Variants in NCDN observed in about 807,000 individuals in gnomAD.
The protein encoded by NCDN is norbin.
Under a neutral mutation model 60.7 loss-of-function variants are expected in NCDN, and 9 were observed. The observed-to-expected ratio is 0.15, with a 90% confidence interval of 0.09 to 0.26. NCDN has a LOEUF of 0.26. Ranked by LOEUF, NCDN falls within the 10% of genes least tolerant of loss-of-function variation. NCDN has a pLI of 1.00. For missense variants in NCDN, 578 were observed against 975.2 expected (o/e 0.59, Z 5.42); for synonymous variants, 409 against 442.5 (o/e 0.92, Z 0.95).
In NCDN at chr1:35,563,615, C is replaced by CT; in HGVS notation, c.1611-151dup. The CT allele has an allele frequency of 9.3e-7, 1 of 1,069,566 alleles. No homozygotes were observed. The highest frequency in any genetic ancestry group is 1.4e-6 in the Non-Finnish European group (1 of 733,434). 66.3% of individuals were successfully genotyped at this position (1,069,566 alleles called of 1,614,324 possible). On this transcript the variant is annotated intron_variant, in intron 5 of 6. Coordinates refer to ENST00000373243, the MANE Select transcript of NCDN (RefSeq NM_014284.3). The surrounding 1 kb of genome is among the most constrained non-coding windows in gnomAD (Gnocchi z 6.6). ...GCATGCTGGAACCCCCAGGTACTGTCTCAGCATGTCTGCTTGTTCCAATCT... is the reference window on the plus strand; with the variant it reads ...GCATGCTGGAACCCCCAGGTACTGTCTTCAGCATGTCTGCTTGTTCCAATCT...
Position 35,561,593 on chromosome 1 carries a change from C to T in NCDN, c.1143+299C>T, listed in dbSNP as rs564434525. On this transcript the variant is annotated intron_variant, in intron 3 of 6. Transcript: ENST00000373243. The surrounding 1 kb of genome is among the most constrained non-coding windows in gnomAD (Gnocchi z 4.9). ...CTCCCCCCAATACACACACACTACACGCCACACACCTCTCCCCAACACATG... is the reference window on the plus strand; with the variant it reads ...CTCCCCCCAATACACACACACTACATGCCACACACCTCTCCCCAACACATG... Among the ~76,000 whole-genome samples the T allele has an allele frequency of 7.9e-5, 12 of 152,244 alleles. No individual in the cohort carries two copies. Among genetic ancestry groups the T allele is most frequent in the South Asian group, 6.2e-4 (3 of 4,822 alleles).
chr1:35,560,431 G>A lies in NCDN; in HGVS notation c.280G>A (p.Ala94Thr). ...FPNRLLTTKE[A>T]PDGCPDHVLR... is the part of the protein sequence containing the mutation. ...CAATCGTCTCCTGACCACCAAGGAG[G>A]CGCCGGATGGCTGCCCTGACCATGT... The change falls in exon 3 of 7, where the codon GCG becomes ACG. Residue 94 changes from alanine to threonine, a missense_variant. Ala to Thr is a moderately conservative substitution (Grantham distance 58, BLOSUM62 0). Coordinates refer to ENST00000373243, the MANE Select transcript of NCDN (RefSeq NM_014284.3). This position sits in a 1 kb window ranked among gnomAD's most constrained non-coding sequence, Gnocchi z 7.6. 6.2e-7 allele frequency: 1 copy of A among 1,613,982 alleles called. No individual in the cohort carries two copies. The highest frequency in any genetic ancestry group is 8.5e-7 in the Non-Finnish European group (1 of 1,180,038).
Position 35,559,100 on chromosome 1 carries a change from T to G in NCDN, c.34-7T>G. ...AGAGGGATGCTCAGTCCCTCTTGTG[T>G]TCACAGTTGGGCAAGGCGAGCATCA... On this transcript the variant is annotated splice_region_variant and splice_polypyrimidine_tract_variant and intron_variant, in intron 1 of 6. Transcript: ENST00000373243. The G allele has an allele frequency of 1.3e-6, 2 of 1,536,700 alleles. No individual in the cohort carries two copies. Among genetic ancestry groups the G allele is most frequent in the African/African-American group, 2.8e-5 (2 of 71,578 alleles).
chr1:35,558,308 G>A lies in NCDN; in HGVS notation c.33+85G>A, dbSNP rs142295168. ...CGATTATCCGGCTTTTGGATTCTCC[G>A]TTGTCCTGGGAACTATCCGGGACCC... On this transcript the variant is annotated intron_variant, in intron 1 of 6. Transcript: ENST00000373243. The surrounding 1 kb of genome is among the most constrained non-coding windows in gnomAD (Gnocchi z 6.3). 3.6e-4 allele frequency: 575 copies of A among 1,598,414 alleles called. No homozygotes were observed. Among genetic ancestry groups the A allele is most frequent in the Non-Finnish European group, 4.6e-4 (544 of 1,170,236 alleles).
In NCDN at chr1:35,565,751, C is replaced by A. The variant is rs904195693; in HGVS notation, c.*88C>A. ...CCCTGAAGCCCCCAATCTGGCCCCC[C>A]CCTCCCCAGACTTCCTCCCCAAAAC... is the stretch of plus-strand genomic sequence containing the variant. On this transcript the variant is annotated 3_prime_UTR_variant, in exon 7 of 7. Coordinates refer to ENST00000373243, the MANE Select transcript of NCDN (RefSeq NM_014284.3). This position sits in a 1 kb window ranked among gnomAD's most constrained non-coding sequence, Gnocchi z 8.9. 3 of 1,363,952 alleles carry A rather than the reference C, an allele frequency of 2.2e-6. No individual in the cohort carries two copies. The highest frequency in any genetic ancestry group is 1.5e-5 in the South Asian group (1 of 67,782). 84.5% of individuals were successfully genotyped at this position (1,363,952 alleles called of 1,614,324 possible).
In NCDN at chr1:35,560,048, A is replaced by T. The variant is rs189611128; in HGVS notation, c.175-278A>T. 6.6e-6 allele frequency among the ~76,000 whole-genome samples: 1 copy of T among 152,174 alleles called. No individual in the cohort carries two copies. The highest frequency in any genetic ancestry group is 1.5e-5 in the Non-Finnish European group (1 of 68,044). On this transcript the variant is annotated intron_variant, in intron 2 of 6. Coordinates refer to ENST00000373243, the MANE Select transcript of NCDN (RefSeq NM_014284.3). This position sits in a 1 kb window ranked among gnomAD's most constrained non-coding sequence, Gnocchi z 7.6. ...CATCCCAGGTTGTGGGCATTTAGACATCAGGAAGAACTTCTCAACTGGCCA... is the reference window on the plus strand; with the variant it reads ...CATCCCAGGTTGTGGGCATTTAGACTTCAGGAAGAACTTCTCAACTGGCCA...
At chr1:35,564,644 T>C (rs1648812807) in intron 6 of NCDN, among the ~76,000 whole-genome samples, 1 of 152,214 alleles carries the variant, frequency 6.6e-6, no homozygotes, top group Non-Finnish European at 1.5e-5. Context: ...CTCTGCACTC[T>C]CAGTCCCAGG....
At position 35,558,665 on chromosome 1, in the gene NCDN, G is replaced by A. The variant is rs1648525109; in HGVS notation, c.33+442G>A. On this transcript the variant is annotated intron_variant, in intron 1 of 6. Transcript: ENST00000373243. The surrounding 1 kb of genome is among the most constrained non-coding windows in gnomAD (Gnocchi z 6.3). ...TTTTCTCCCATGTCAGCCTGAGTCC[G>A]GATAATCGAACTTCACCCATGTATG... 4 of 1,134,584 alleles carry A rather than the reference G, an allele frequency of 3.5e-6. No individual in the cohort carries two copies. Among genetic ancestry groups the A allele is most frequent in the South Asian group, 2.8e-5 (1 of 35,640 alleles). 70.3% of individuals were successfully genotyped at this position (1,134,584 alleles called of 1,614,324 possible).
rs142407954 is a variant in NCDN, at chr1:35,561,531, GCA to G, written c.1143+248_1143+249del. On this transcript the variant is annotated intron_variant, in intron 3 of 6. Transcript: ENST00000373243. This position sits in a 1 kb window ranked among gnomAD's most constrained non-coding sequence, Gnocchi z 4.9. Reference sequence around the variant, plus strand: ...CACTCACATCACAGTACACACACACGCACACACACACAACACAGTAACCTCCC... The same window carrying G: ...CACTCACATCACAGTACACACACACGCACACACACAACACAGTAACCTCCC... Among the ~76,000 whole-genome samples the G allele has an allele frequency of 2.0e-5, 3 of 150,952 alleles. No homozygotes were observed. Among genetic ancestry groups the G allele is most frequent in the Non-Finnish European group, 3.0e-5 (2 of 67,652 alleles).
At position 35,565,838 on chromosome 1, in the gene NCDN, A is replaced by G; in HGVS notation, c.*175A>G. The G allele has an allele frequency of 1.4e-6, 1 of 705,050 alleles. No homozygotes were observed. The highest frequency in any genetic ancestry group is 3.0e-5 in the Admixed American group (1 of 32,920). 43.7% of individuals were successfully genotyped at this position (705,050 alleles called of 1,614,324 possible). ...GGTGCCCACCCCTCAAGTGTAAGGAACTGCGTTCCGCCCCTCAGGCCCCCA... is the reference window on the plus strand; with the variant it reads ...GGTGCCCACCCCTCAAGTGTAAGGAGCTGCGTTCCGCCCCTCAGGCCCCCA... On this transcript the variant is annotated 3_prime_UTR_variant, in exon 7 of 7. Transcript: ENST00000373243. This position sits in a 1 kb window ranked among gnomAD's most constrained non-coding sequence, Gnocchi z 8.9.
At position 35,559,994 on chromosome 1, in the gene NCDN, T is replaced by C. The variant is rs116378274; in HGVS notation, c.175-332T>C. ...GGAAGGACTTTAAATCCTTGGGAGA[T>C]CTTAAAACATTGAGTTCTAAGCCCC... On this transcript the variant is annotated intron_variant, in intron 2 of 6. Coordinates refer to ENST00000373243, the MANE Select transcript of NCDN (RefSeq NM_014284.3). Among the ~76,000 whole-genome samples, 394 of 152,226 alleles carry C rather than the reference T, an allele frequency of 2.6e-3. 3 individuals are homozygous for C. The highest frequency in any genetic ancestry group is 9.2e-3 in the African/African-American group (383 of 41,526).
rs1008594042 is a variant in NCDN, at chr1:35,558,960, G to A, written c.34-147G>A. Reference sequence around the variant, plus strand: ...CCCCTTAAAGGGGCTTCTGGGGGGAGGTCAGTCCTGAGGAGTCCACCCCTC... The same window carrying A: ...CCCCTTAAAGGGGCTTCTGGGGGGAAGTCAGTCCTGAGGAGTCCACCCCTC... On this transcript the variant is annotated intron_variant, in intron 1 of 6. Coordinates refer to ENST00000373243, the MANE Select transcript of NCDN (RefSeq NM_014284.3). The surrounding 1 kb of genome is among the most constrained non-coding windows in gnomAD (Gnocchi z 6.3). The A allele has an allele frequency of 1.4e-5, 12 of 874,924 alleles. No individual in the cohort carries two copies. Among genetic ancestry groups the A allele is most frequent in the African/African-American group, 1.4e-4 (8 of 59,098 alleles). 54.2% of individuals were successfully genotyped at this position (874,924 alleles called of 1,614,324 possible). A position where few individuals can be genotyped will look rare whatever the true frequency, so the allele number is the denominator to read the frequency against.
At position 35,558,780 on chromosome 1, in the gene NCDN, A is replaced by C; in HGVS notation, c.34-327A>C. 1 of 1,074,368 alleles carries C rather than the reference A, an allele frequency of 9.3e-7. No individual in the cohort carries two copies. Among genetic ancestry groups the C allele is most frequent in the Non-Finnish European group, 1.2e-6 (1 of 844,966 alleles). The allele number at this position is 1,074,368 out of a possible 1,614,324, so 66.6% of individuals were successfully genotyped here. On this transcript the variant is annotated intron_variant, in intron 1 of 6. Coordinates refer to ENST00000373243, the MANE Select transcript of NCDN (RefSeq NM_014284.3). This position sits in a 1 kb window ranked among gnomAD's most constrained non-coding sequence, Gnocchi z 6.3. ...ACCCAGCCTCCGGTGCCAGGGGGACAGCTGAGCAGTGGGGCCAGCTCCCGC... is the reference window on the plus strand; with the variant it reads ...ACCCAGCCTCCGGTGCCAGGGGGACCGCTGAGCAGTGGGGCCAGCTCCCGC...
chr1:35,563,749 C>G lies in NCDN; in HGVS notation c.1611-18C>G. On this transcript the variant is annotated intron_variant, in intron 5 of 6. Coordinates refer to ENST00000373243, the MANE Select transcript of NCDN (RefSeq NM_014284.3). This position sits in a 1 kb window ranked among gnomAD's most constrained non-coding sequence, Gnocchi z 6.6. ...TAGACCCCCACCTACCTCCATCCTTCCCCCCTTTCTTTTCCAGGCGTGACG... is the reference window on the plus strand; with the variant it reads ...TAGACCCCCACCTACCTCCATCCTTGCCCCCTTTCTTTTCCAGGCGTGACG... 1.2e-6 allele frequency: 2 copies of G among 1,612,774 alleles called. No homozygotes were observed. Among genetic ancestry groups the G allele is most frequent in the South Asian group, 2.2e-5 (2 of 90,908 alleles).
In NCDN at chr1:35,557,949, T is replaced by C. The variant is rs1648407202; in HGVS notation, c.-242T>C. On this transcript the variant is annotated 5_prime_UTR_variant, in exon 1 of 7. Coordinates refer to ENST00000373243, the MANE Select transcript of NCDN (RefSeq NM_014284.3). The stretch of plus-strand genomic sequence containing the variant: ...CGGGGCCTCTCCGAGCCGGCGCTGA[T>C]CGATGCCGACACACCCCGGGGACCC... The C allele has an allele frequency of 1.5e-6, 1 of 652,628 alleles. No homozygotes were observed. 40.4% of individuals were successfully genotyped at this position (652,628 alleles called of 1,614,324 possible).
intron 6 of NCDN, 106 bp downstream of exon 6, chr1:35,564,015 T>G (rs1648790387): frequency 1.5e-6 from 2 of 1,355,128 alleles, no homozygotes; most frequent in African/African-American, 1.5e-5. Flanking sequence ...TTTGCAGCAT[T>G]TTCTAAGCAA....
Position 35,563,791 on chromosome 1 carries a change from A to G in NCDN, c.1635A>G (p.Leu545=). The change falls in exon 6 of 7, where the codon CTA becomes CTG. Residue 545 remains leucine (L), a synonymous_variant. Coordinates refer to ENST00000373243, the MANE Select transcript of NCDN (RefSeq NM_014284.3). This position sits in a 1 kb window ranked among gnomAD's most constrained non-coding sequence, Gnocchi z 6.6. ...GGCGTGACGCCTGCTTCACATCTCT[A>G]ATGAACACCCTCATGACGTCGCTAC... ...LIKRDACFTS[L]MNTLMTSLPA... is the part of the protein sequence containing the mutation. 1 of 1,613,162 alleles carries G rather than the reference A, an allele frequency of 6.2e-7. No individual in the cohort carries two copies. The highest frequency in any genetic ancestry group is 1.3e-5 in the African/African-American group (1 of 74,622).
At chr1:35,564,281 C>T (rs1380411599) in intron 6 of NCDN, among the ~76,000 whole-genome samples, 1 of 152,188 alleles carries the variant, frequency 6.6e-6, no homozygotes, top group African/African-American at 2.4e-5. Flanking sequence ...TTTTTCTCTG[C>T]TCTGCTCGGT....
chr1:35,558,617 G>A lies in NCDN; in HGVS notation c.33+394G>A, dbSNP rs1422286044. 55 of 1,172,448 alleles carry A rather than the reference G, an allele frequency of 4.7e-5. 1 individual carries two copies. The highest frequency in any genetic ancestry group is 5.8e-5 in the Non-Finnish European group (55 of 944,234). The allele number at this position is 1,172,448 out of a possible 1,614,324, so 72.6% of individuals were successfully genotyped here. A position where few individuals can be genotyped will look rare whatever the true frequency, so the allele number is the denominator to read the frequency against. On this transcript the variant is annotated intron_variant, in intron 1 of 6. Transcript: ENST00000373243. This position sits in a 1 kb window ranked among gnomAD's most constrained non-coding sequence, Gnocchi z 6.3. ...GTATCTCTGCCTCTGAAGAAGGGAG[G>A]GGAAAGGAAGCCTGGGGTGTCCTTT... is the stretch of plus-strand genomic sequence containing the variant.
Sources: gnomAD v4.1 joint callset for allele counts (sites outside exome capture counted in the v4.1 genomes callset) on GRCh38, gnomAD v4.1.1 for gene constraint, Gnocchi (gnomAD v3.1) non-coding constraint, MANE v1.5 for transcripts, NCBI Gene and HGNC (gene_info 2026-07-23, HGNC 2026-07-21) for gene names.